Variants in EIF3M observed in about 807,000 individuals in gnomAD.
EIF3M encodes the protein eukaryotic translation initiation factor 3 subunit M.
Under a neutral mutation model 49.7 loss-of-function variants are expected in EIF3M, and 25 were observed. The observed-to-expected ratio is 0.50, with a 90% CI of 0.37 to 0.70. EIF3M has a LOEUF of 0.70. Among genes scored for constraint, EIF3M ranks in the 30% least tolerant of loss-of-function variants. The pLI, the probability that EIF3M is intolerant of heterozygous loss-of-function variation, is 0.00. For missense variants in EIF3M, 350 were observed against 440.0 expected, an observed-to-expected ratio of 0.80 and a Z score of 1.83; for synonymous variants, 156 against 149.8, an observed-to-expected ratio of 1.04 and a Z score of -0.30.
chr11:32,603,178 GA>G lies in EIF3M; in HGVS notation c.*781del. ...CTGGCACCAGAAAAGTATACAATGT[GA>G]ATGTGTAGGCTTATGTAGTAGATCT... is the stretch of plus-strand genomic sequence containing the variant. On this transcript the variant is annotated 3_prime_UTR_variant, in exon 11 of 11. Coordinates refer to ENST00000531120, the MANE Select transcript of EIF3M (RefSeq NM_006360.6). The G allele has an allele frequency of 1.7e-6, 1 of 589,148 alleles. No individual in the cohort carries two copies. Among genetic ancestry groups the G allele is most frequent in the Non-Finnish European group, 2.9e-6 (1 of 339,508 alleles). The allele number at this position is 589,148 out of a possible 1,614,324, so 36.5% of individuals were successfully genotyped here. A position where few individuals can be genotyped will look rare whatever the true frequency, so the allele number is the denominator to read the frequency against.
At chr11:32,585,337 T>C (rs1854979073) in intron 1 of EIF3M, among the ~76,000 whole-genome samples, 1 of 152,204 alleles carries the variant, frequency 6.6e-6, no homozygotes. Flanking sequence ...AGGAAGTTCT[T>C]GTCATTGATC....
At chr11:32,596,233 A>T (rs1346264927) in intron 8 of EIF3M, among the ~76,000 whole-genome samples, 186 bp downstream of exon 8, 1 of 152,176 alleles carries the variant, frequency 6.6e-6, no homozygotes. Flanking sequence ...ATGAATTGAG[A>T]ATCAGAAACC....
At chr11:32,592,817 G>T in intron 5 of EIF3M, 1 of 372,812 alleles carries the variant, frequency 2.7e-6, no homozygotes, top group South Asian at 2.1e-5. Context: ...GACAGGGTCT[G>T]ACCATGTTGC....
chr11:32,600,667 G>C (rs11031888), intron 8 of EIF3M, 22 bp from the exon 9 acceptor site: 215,929 of 1,587,884 alleles, frequency 0.14, 16,064 homozygotes, highest in Non-Finnish European at 0.16. Flanking sequence ...CACTCATCAG[G>C]CTTCACTATT....
intron 6 of EIF3M, chr11:32,594,300 A>G (rs1232940130): frequency 1.1e-5 from 2 of 184,636 alleles, no homozygotes; most frequent in African/African-American, 4.7e-5. Context: ...ACCCATTGCT[A>G]ATGAGTATAA....
At chr11:32,595,194 A>G (rs1315811258) in intron 7 of EIF3M, among the ~76,000 whole-genome samples, 181 bp downstream of exon 7, 1 of 151,752 alleles carries the variant, frequency 6.6e-6, no homozygotes, top group Non-Finnish European at 1.5e-5. Context: ...TTCTTCATCC[A>G]CTGAGCAGAG....
chr11:32,596,001 A>G lies in EIF3M; in HGVS notation c.753A>G (p.Ser251=), dbSNP rs1230030705. The G allele has an allele frequency of 6.4e-7, 1 of 1,566,136 alleles. No homozygotes were observed. Among genetic ancestry groups the G allele is most frequent in the Non-Finnish European group, 8.6e-7 (1 of 1,165,302 alleles). Residue 251 remains serine, a synonymous_variant, in exon 8 of 11, where the codon TCA becomes TCG. Transcript: ENST00000531120. Reference sequence around the variant, plus strand: ...TTTTTGTGAGTGCTAAATTGGCATCATATGTCAAGTTTTATCAGAATAATA... The same window carrying G: ...TTTTTGTGAGTGCTAAATTGGCATCGTATGTCAAGTTTTATCAGAATAATA... ...LTIFVSAKLA[S]YVKFYQNNKD...
chr11:32,586,523 C>T (rs755286730), intron 1 of EIF3M, among the ~76,000 whole-genome samples: 39 of 152,198 alleles, frequency 2.6e-4, no homozygotes, highest in Non-Finnish European at 4.1e-4. Flanking sequence ...TCTCAAATAG[C>T]TTCTCAACTG....
At chr11:32,588,434 T>A (rs1855038155) in intron 2 of EIF3M, among the ~76,000 whole-genome samples, 160 bp from the exon 3 acceptor site, 1 of 150,068 alleles carries the variant, frequency 6.7e-6, no homozygotes, top group Non-Finnish European at 1.5e-5. Context: ...TAGGTATCAA[T>A]TTCCTTCCTC....
At chr11:32,585,227 A>T (rs114631418) in intron 1 of EIF3M, among the ~76,000 whole-genome samples, 1 of 152,220 alleles carries the variant, frequency 6.6e-6, no homozygotes, top group African/African-American at 2.4e-5. Context: ...AGACAAAAAG[A>T]TACCTGATTA....
chr11:32,591,288 C>T (rs1409551893), intron 5 of EIF3M, among the ~76,000 whole-genome samples: 1 of 152,234 alleles, frequency 6.6e-6, no homozygotes, highest in Non-Finnish European at 1.5e-5. Flanking sequence ...TGGAAAATGA[C>T]TTGCACCTGT....
chr11:32,601,634 A>T, intron 9 of EIF3M, 128 bp from the exon 10 acceptor site: 1 of 802,048 alleles, frequency 1.2e-6, no homozygotes, highest in Non-Finnish European at 2.0e-6. Flanking sequence ...TATTAGATTT[A>T]AACAGTGTAT....
chr11:32,590,323 A>G (rs989801177), intron 5 of EIF3M, among the ~76,000 whole-genome samples: 4 of 152,190 alleles, frequency 2.6e-5, no homozygotes, highest in Non-Finnish European at 4.4e-5. Context: ...TTTAGTTACA[A>G]CAGATACCAT....
At chr11:32,598,851 AT>A (rs1371232279) in intron 8 of EIF3M, among the ~76,000 whole-genome samples, 1 of 152,088 alleles carries the variant, frequency 6.6e-6, no homozygotes, top group African/African-American at 2.4e-5. Context: ...TTTGAAAAAA[AT>A]CTTTAATACT....
At chr11:32,592,261 C>G in intron 5 of EIF3M, 1 of 444,112 alleles carries the variant, frequency 2.3e-6, no homozygotes, top group East Asian at 5.4e-5. Flanking sequence ...CTTTTCACTT[C>G]ACTAACGCCT....
intron 3 of EIF3M, 39 bp downstream of exon 3, chr11:32,588,771 G>GC (rs1453800687): frequency 6.2e-7 from 1 of 1,610,416 alleles, no homozygotes; most frequent in East Asian, 2.2e-5. Context: ...TTTTCTAGGT[G>GC]CTTTTTTCAT....
chr11:32,598,847 A>C (rs1461464437), intron 8 of EIF3M, among the ~76,000 whole-genome samples: 2 of 152,214 alleles, frequency 1.3e-5, no homozygotes, highest in East Asian at 3.9e-4. Flanking sequence ...AATTTTTGAA[A>C]AAAATCTTTA....
At chr11:32,584,113 C>A in intron 1 of EIF3M, 184 bp downstream of exon 1, 1 of 744,964 alleles carries the variant, frequency 1.3e-6, no homozygotes, top group Non-Finnish European at 2.1e-6. Flanking sequence ...GCTCGCCGGC[C>A]GGCGGTCCCA....
In EIF3M at chr11:32,595,232, C is replaced by CT. The variant is rs371251302; in HGVS notation, c.717+231dup. On this transcript the variant is annotated intron_variant, in intron 7 of 10. Transcript: ENST00000531120. ...CTATTCTTCCTCCCTTTCTTAATTT[C>CT]TTTTTTTTTTTTGAGACTGAGTCTC... Among the ~76,000 whole-genome samples the CT allele has an allele frequency of 9.1e-3, 1,324 of 145,500 alleles. 20 individuals carry two copies. The highest frequency in any genetic ancestry group is 0.026 in the African/African-American group (1,042 of 39,890).
Sources: gnomAD v4.1 joint callset for allele counts (sites outside exome capture counted in the v4.1 genomes callset) on GRCh38, gnomAD v4.1.1 for gene constraint, MANE v1.5 for transcripts, NCBI Gene and HGNC (gene_info 2026-07-23, HGNC 2026-07-21) for gene names.